DENND4C: variants seen among roughly 807,000 people sequenced by gnomAD.
DENND4C encodes the protein DENN domain-containing protein 4C.
In DENND4C, 108 loss-of-function variants were observed where a neutral mutation model predicts 203.0. That is an observed-to-expected ratio of 0.53 (90% CI 0.46 to 0.62). The LOEUF (loss-of-function observed/expected upper bound fraction) is 0.62. DENND4C is among the 20% of genes least tolerant of loss of function. The pLI, the probability that DENND4C is intolerant of heterozygous loss-of-function variation, is 0.00. For missense variants in DENND4C, 2,481 were observed against 2,301.2 expected (o/e 1.08, Z -1.60); for synonymous variants, 871 against 792.4 (o/e 1.10, Z -1.67).
At chr9:19,275,131 C>G (rs1184946100) in intron 1 of DENND4C, among the ~76,000 whole-genome samples, 1 of 151,302 alleles carries the variant, frequency 6.6e-6, no homozygotes, top group Non-Finnish European at 1.5e-5. Flanking sequence ...GTGCCCACCA[C>G]CACACCTGGC....
In DENND4C at chr9:19,358,220, CATT is replaced by C. The variant is rs1825793335; in HGVS notation, c.5160+63_5160+65del. On this transcript the variant is annotated intron_variant, in intron 28 of 32. Coordinates refer to ENST00000434457, the MANE Select transcript of DENND4C (RefSeq NM_001330640.2). The surrounding 1 kb of genome is among the most constrained non-coding windows in gnomAD (Gnocchi z 4.8). ...ATACACACCTAAGTATATAGTAGAACATTATAAATTCTTCTGTAGTGGACTTAT... is the reference window on the plus strand; with the variant it reads ...ATACACACCTAAGTATATAGTAGAACATAAATTCTTCTGTAGTGGACTTAT... 1.5e-6 allele frequency: 2 copies of C among 1,332,558 alleles called. No homozygotes were observed. Among genetic ancestry groups the C allele is most frequent in the African/African-American group, 2.9e-5 (2 of 68,766 alleles). 82.5% of individuals were successfully genotyped at this position (1,332,558 alleles called of 1,614,324 possible). A position where few individuals can be genotyped will look rare whatever the true frequency, so the allele number is the denominator to read the frequency against.
intron 26 of DENND4C, among the ~76,000 whole-genome samples, chr9:19,354,322 C>T (rs1398809705): frequency 6.6e-6 from 1 of 152,104 alleles, no homozygotes; most frequent in African/African-American, 2.4e-5. Flanking sequence ...AGTAGTTTCT[C>T]TAAGAAAACG....
intron 16 of DENND4C, among the ~76,000 whole-genome samples, chr9:19,331,405 G>A (rs936590041): frequency 6.6e-6 from 1 of 152,044 alleles, no homozygotes; most frequent in South Asian, 2.1e-4. Flanking sequence ...GTTTCACCAT[G>A]TTGGCCAGGC....
chr9:19,323,122 T>C (rs1316399441), intron 12 of DENND4C, among the ~76,000 whole-genome samples: 2 of 152,074 alleles, frequency 1.3e-5, no homozygotes, highest in East Asian at 1.9e-4. Flanking sequence ...CTTGTCAACA[T>C]AGCAAGACAC....
chr9:19,304,227 C>G (rs530879997), intron 9 of DENND4C, among the ~76,000 whole-genome samples: 32 of 150,382 alleles, frequency 2.1e-4, no homozygotes, highest in Admixed American at 9.9e-4. Flanking sequence ...CTCTGTTGCC[C>G]AGGCTGGAGT....
chr9:19,300,151 T>C lies in DENND4C; in HGVS notation c.1167-36T>C, dbSNP rs1366452115. The C allele has an allele frequency of 1.9e-6, 3 of 1,563,784 alleles. No individual in the cohort carries two copies. In the Admixed American group the frequency reaches 5.2e-5, roughly 27 times the overall value. ...ATCTTAACATATTTCAGCAAAATAG[T>C]TCACAATGATCTACTTTTCTCTTTT... On this transcript the variant is annotated intron_variant, in intron 8 of 32. Coordinates refer to ENST00000434457, the MANE Select transcript of DENND4C (RefSeq NM_001330640.2).
In DENND4C at chr9:19,372,089, T is replaced by A. The variant is rs761809408; in HGVS notation, c.5793T>A (p.Ile1931=). 1.1e-5 allele frequency: 18 copies of A among 1,614,156 alleles called. No individual in the cohort carries two copies. Among genetic ancestry groups the A allele is most frequent in the Non-Finnish European group, 1.4e-5 (17 of 1,180,016 alleles). Residue 1931 remains isoleucine, a synonymous_variant, in exon 33 of 33, where the codon ATT becomes ATA. Transcript: ENST00000434457. ...CATACAATAGTCTGTCTTCAGAGAT[T>A]CTTGAAAGGTTGCAGAAAATTGATG... ...GIAYNSLSSE[I]LERLQKIDAP...
chr9:19,241,159 A>G (rs988223878), intron 1 of DENND4C, among the ~76,000 whole-genome samples: 3 of 152,160 alleles, frequency 2.0e-5, no homozygotes, highest in Non-Finnish European at 2.9e-5. Context: ...GCCCTACTGT[A>G]CACTTTATGA....
intron 1 of DENND4C, among the ~76,000 whole-genome samples, chr9:19,262,368 G>A (rs1401266550): frequency 2.6e-5 from 4 of 151,790 alleles, no homozygotes; most frequent in East Asian, 3.9e-4. Flanking sequence ...GATTAGAGGC[G>A]TGAGCCTCTG....
intron 22 of DENND4C, among the ~76,000 whole-genome samples, chr9:19,345,201 G>C (rs1010358161): frequency 6.6e-6 from 1 of 152,206 alleles, no homozygotes; most frequent in Non-Finnish European, 1.5e-5. Context: ...TGGTAGCCAA[G>C]AGTAAAAGAC....
At chr9:19,302,709 C>T (rs558771327) in intron 9 of DENND4C, among the ~76,000 whole-genome samples, 2 of 152,218 alleles carry the variant, frequency 1.3e-5, no homozygotes, top group Non-Finnish European at 2.9e-5. Flanking sequence ...CTTCAGCAAT[C>T]TGATCTTATT....
In DENND4C at chr9:19,342,835, A is replaced by G. The variant is rs1469075766; in HGVS notation, c.3151+56A>G. On this transcript the variant is annotated intron_variant, in intron 22 of 32. Coordinates refer to ENST00000434457, the MANE Select transcript of DENND4C (RefSeq NM_001330640.2). Reference sequence around the variant, plus strand: ...TTAAAATATACTTTTATAGACTCATATGTGTCTTTAATGACATTAAATTTT... The same window carrying G: ...TTAAAATATACTTTTATAGACTCATGTGTGTCTTTAATGACATTAAATTTT... The G allele has an allele frequency of 2.9e-6, 4 of 1,367,934 alleles. No individual in the cohort carries two copies. In the South Asian group the frequency reaches 5.7e-5, roughly 19 times the overall value. The allele number at this position is 1,367,934 out of a possible 1,614,324, so 84.7% of individuals were successfully genotyped here. A position where few individuals can be genotyped will look rare whatever the true frequency, so the allele number is the denominator to read the frequency against.
chr9:19,323,317 C>G (rs1160528432), intron 12 of DENND4C, among the ~76,000 whole-genome samples: 1 of 151,874 alleles, frequency 6.6e-6, no homozygotes, highest in Non-Finnish European at 1.5e-5. Context: ...GTAATCCCAG[C>G]TACTCAGGAG....
Position 19,299,127 on chromosome 9 carries a change from T to C in DENND4C, c.1108-102T>C, listed in dbSNP as rs1838040038. The C allele has an allele frequency of 1.0e-5, 8 of 801,436 alleles. No individual in the cohort carries two copies. In the South Asian group the frequency reaches 1.6e-4, roughly 16 times the overall value. The allele number at this position is 801,436 out of a possible 1,614,324, so 49.6% of individuals were successfully genotyped here. A position where few individuals can be genotyped will look rare whatever the true frequency, so the allele number is the denominator to read the frequency against. ...ATTAAATTATTAATGTTTTCAATAT[T>C]ACCTTTGATCTAAATATATAGATTT... On this transcript the variant is annotated intron_variant, in intron 7 of 32. Coordinates refer to ENST00000434457, the MANE Select transcript of DENND4C (RefSeq NM_001330640.2).
Position 19,346,101 on chromosome 9 carries a change from T to C in DENND4C, c.3332T>C (p.Leu1111Ser). The C allele has an allele frequency of 6.2e-7, 1 of 1,614,206 alleles. No individual in the cohort carries two copies. The highest frequency in any genetic ancestry group is 8.5e-7 in the Non-Finnish European group (1 of 1,180,046). ...RAGMLLKKSS[L>S]DSNSSEMAIM... Reference sequence around the variant, plus strand: ...GGAATGTTGCTTAAGAAGAGTAGTTTGGATTCGAATTCAAGTGAAATGGCT... The same window carrying C: ...GGAATGTTGCTTAAGAAGAGTAGTTCGGATTCGAATTCAAGTGAAATGGCT... Residue 1111 changes from leucine to serine, a missense_variant, in exon 23 of 33, where the codon TTG (leucine) becomes TCG (serine). This residue lies in a region of DENND4C where 2,289 missense variants were observed against 2,113.3 expected (regional missense o/e 1.08). Coordinates refer to ENST00000434457, the MANE Select transcript of DENND4C (RefSeq NM_001330640.2).
Position 19,336,368 on chromosome 9 carries a change from G to A in DENND4C, c.2688G>A (p.Gln896=), listed in dbSNP as rs753008252. The A allele has an allele frequency of 3.7e-6, 6 of 1,613,954 alleles. No individual in the cohort carries two copies. Among genetic ancestry groups the A allele is most frequent in the Middle Eastern group, 3.3e-4 (2 of 6,060 alleles). ...TACGTGGCTTGGCACAGTTTAGGCA[G>A]CCGCTTAAAAAGACTGTGCAAAGGT... ...NVVRGLAQFR[Q]PLKKTVQRSQ... The change falls in exon 19 of 33, where the codon CAG becomes CAA. Residue 896 remains glutamine, a synonymous_variant. Transcript: ENST00000434457.
At chr9:19,316,891 T>C in intron 12 of DENND4C, 52 bp downstream of exon 12, 1 of 1,447,214 alleles carries the variant, frequency 6.9e-7, no homozygotes, top group Non-Finnish European at 9.4e-7. Flanking sequence ...AAATATTTTA[T>C]ATTTGATGTT....
At chr9:19,360,108 A>G (rs1160335018) in intron 28 of DENND4C, 136 bp from the exon 29 acceptor site, 2 of 848,158 alleles carry the variant, frequency 2.4e-6, no homozygotes, top group Non-Finnish European at 3.6e-6. Context: ...ATTCATTAGC[A>G]TATTCTCTTG....
At chr9:19,273,004 A>C (rs1448150510) in intron 1 of DENND4C, among the ~76,000 whole-genome samples, 2 of 137,966 alleles carry the variant, frequency 1.4e-5, no homozygotes, top group African/African-American at 5.6e-5. Context: ...GCTGGAGTGC[A>C]GTGGCGCGAT....
Sources: allele counts gnomAD v4.1 joint callset (sites outside exome capture counted in the v4.1 genomes callset), GRCh38; gene constraint gnomAD v4.1.1; regional missense constraint gnomAD v4.1.1; non-coding constraint Gnocchi (gnomAD v3.1); transcripts MANE v1.5; gene names NCBI Gene and HGNC (gene_info 2026-07-23, HGNC 2026-07-21).